Variants in TLR10 observed in about 807,000 individuals in gnomAD.
The protein encoded by TLR10 is toll like receptor 10, also known as toll-like receptor 10.
For synonymous variants in TLR10, 288 were observed against 338.8 expected, an observed-to-expected ratio of 0.85 and a Z score of 1.65; for missense variants, 929 against 932.9, an observed-to-expected ratio of 1.00 and a Z score of 0.05.
At position 38,775,330 on chromosome 4, in the gene TLR10, C is replaced by T. The variant is rs2109310161; in HGVS notation, c.261G>A (p.Leu87=). 6.2e-7 allele frequency: 1 copy of T among 1,613,984 alleles called. No homozygotes were observed. Among genetic ancestry groups the T allele is most frequent in the East Asian group, 2.2e-5 (1 of 44,882 alleles). The change falls in exon 4 of 4, where the codon CTG becomes CTA. Residue 87 remains leucine (L), a synonymous_variant. Coordinates refer to ENST00000308973, the MANE Select transcript of TLR10 (RefSeq NM_030956.4). ...LILCHNRIQQ[L]DLKTFEFNKE... is the part of the protein sequence containing the mutation. ...TGTTGAATTCAAAGGTTTTGAGATCCAGCTGTTGAATTCTGTTATGGCATA... is the reference window on the plus strand; with the variant it reads ...TGTTGAATTCAAAGGTTTTGAGATCTAGCTGTTGAATTCTGTTATGGCATA...
chr4:38,779,484 G>T (rs1725264601), intron 1 of TLR10, among the ~76,000 whole-genome samples: 2 of 152,050 alleles, frequency 1.3e-5, no homozygotes, highest in Admixed American at 1.3e-4. Flanking sequence ...ATATAACACA[G>T]GATAATTATC....
intron 1 of TLR10, among the ~76,000 whole-genome samples, chr4:38,776,836 T>C (rs1240868027): frequency 2.6e-5 from 4 of 152,180 alleles, no homozygotes; most frequent in Non-Finnish European, 2.9e-5. Flanking sequence ...GTTTATATGT[T>C]ATGACTCACA....
chr4:38,781,403 C>G lies in TLR10; in HGVS notation c.-569+1518G>C, dbSNP rs1236075945. On this transcript the variant is annotated intron_variant, in intron 1 of 3. Coordinates refer to ENST00000308973, the MANE Select transcript of TLR10 (RefSeq NM_030956.4). Reference sequence around the variant, plus strand: ...AGGCTGGAGTAAAGTGGTATGATCTCAGCTCACTGCAAGCTCCACCTCCCA... The same window carrying G: ...AGGCTGGAGTAAAGTGGTATGATCTGAGCTCACTGCAAGCTCCACCTCCCA... Among the ~76,000 whole-genome samples the G allele has an allele frequency of 3.3e-5, 5 of 151,652 alleles. No homozygotes were observed. The East Asian group carries it at 9.7e-4, about 29-fold the overall frequency.
Position 38,775,100 on chromosome 4 carries a change from T to A in TLR10, c.491A>T (p.His164Leu), listed in dbSNP as rs950691203. 1.2e-6 allele frequency: 2 copies of A among 1,613,066 alleles called. No individual in the cohort carries two copies. Among genetic ancestry groups the A allele is most frequent in the Admixed American group, 1.7e-5 (1 of 59,984 alleles). The change falls in exon 4 of 4, where the codon CAT becomes CTT. Residue 164 changes from histidine to leucine, a missense_variant. Transcript: ENST00000308973. ...TAAGAAGACAGTATTTAGATGCAGATGAGCAATTTTCTGGAAATCTGATTT... is the reference window on the plus strand; with the variant it reads ...TAAGAAGACAGTATTTAGATGCAGAAGAGCAATTTTCTGGAAATCTGATTT... The part of the protein sequence containing the change: ...IQKSDFQKIA[H>L]LHLNTVFLGF...
At chr4:38,781,803 T>A (rs1353861939) in intron 1 of TLR10, among the ~76,000 whole-genome samples, 4 of 152,332 alleles carry the variant, frequency 2.6e-5, no homozygotes. Context: ...CTTTGCAACA[T>A]AAGAGTAAGA....
Position 38,776,331 on chromosome 4 carries a change from G to T in TLR10, c.-473C>A. The T allele has an allele frequency of 4.9e-6, 1 of 203,058 alleles. No homozygotes were observed. The highest frequency in any genetic ancestry group is 9.9e-5 in the South Asian group (1 of 10,074). 12.6% of individuals were successfully genotyped at this position (203,058 alleles called of 1,614,324 possible). A position where few individuals can be genotyped will look rare whatever the true frequency, so the allele number is the denominator to read the frequency against. On this transcript the variant is annotated 5_prime_UTR_variant, in exon 2 of 4. Coordinates refer to ENST00000308973, the MANE Select transcript of TLR10 (RefSeq NM_030956.4). ...ATCTAAATGTCTGAAACCTGCCAGT[G>T]AATACCAAGCCACAATCTTCAGTCT...
Position 38,772,628 on chromosome 4 carries a change from T to TC in TLR10, c.*526_*527insG, listed in dbSNP as rs199871803. On this transcript the variant is annotated 3_prime_UTR_variant, in exon 4 of 4. Transcript: ENST00000308973. The stretch of plus-strand genomic sequence containing the variant: ...ATGTTTTCCATTTTTTTCTTTTTTT[T>TC]TTTTCTTTTTTTTGAGATGGAGTCT... 20,581 of 151,122 alleles carry TC rather than the reference T, an allele frequency of 0.14. 1,921 individuals carry two copies. The highest frequency in any genetic ancestry group is 0.3 in the East Asian group (1,544 of 5,136). 9.4% of individuals were successfully genotyped at this position (151,122 alleles called of 1,614,324 possible). A position where few individuals can be genotyped will look rare whatever the true frequency, so the allele number is the denominator to read the frequency against.
intron 3 of TLR10, 46 bp downstream of exon 3, chr4:38,775,729 C>T (rs780640946): frequency 3.2e-5 from 27 of 854,372 alleles, no homozygotes; most frequent in Admixed American, 6.8e-5. Context: ...AAAAAAAATG[C>T]CAACATCTGA....
At chr4:38,777,822 G>A (rs959487512) in intron 1 of TLR10, among the ~76,000 whole-genome samples, 10 of 152,156 alleles carry the variant, frequency 6.6e-5, no homozygotes, top group African/African-American at 2.4e-4. Flanking sequence ...AGGGTGTAGA[G>A]AAATAGGAAC....
chr4:38,775,473 T>C lies in TLR10; in HGVS notation c.118A>G (p.Arg40Gly). 1 of 1,614,148 alleles carries C rather than the reference T, an allele frequency of 6.2e-7. No individual in the cohort carries two copies. Among genetic ancestry groups the C allele is most frequent in the African/African-American group, 1.3e-5 (1 of 75,054 alleles). ...GGGGTCAAGTCTGCGGGAACCTTTCTTAGAGACATGTTGGAGCAGTTGGTC... is the reference window on the plus strand; with the variant it reads ...GGGGTCAAGTCTGCGGGAACCTTTCCTAGAGACATGTTGGAGCAGTTGGTC... ...LMTNCSNMSL[R>G]KVPADLTPAT... The change falls in exon 4 of 4, where the codon AGA (arginine) becomes GGA (glycine). Residue 40 changes from arginine to glycine, a missense_variant. By Grantham distance (125) the Arg-to-Gly change is moderately radical. Transcript: ENST00000308973.
intron 1 of TLR10, among the ~76,000 whole-genome samples, chr4:38,781,546 G>A (rs1020342895): frequency 1.3e-5 from 2 of 152,160 alleles, no homozygotes; most frequent in Non-Finnish European, 2.9e-5. Context: ...TGTTGGTGAT[G>A]TAGTCTATAA....
At position 38,772,614 on chromosome 4, in the gene TLR10, T is replaced by C. The variant is rs1724697770; in HGVS notation, c.*541A>G. Reference sequence around the variant, plus strand: ...TTGTGGCCATGAGGATGTTTTCCATTTTTTTCTTTTTTTTTTTTCTTTTTT... The same window carrying C: ...TTGTGGCCATGAGGATGTTTTCCATCTTTTTCTTTTTTTTTTTTCTTTTTT... On this transcript the variant is annotated 3_prime_UTR_variant, in exon 4 of 4. Transcript: ENST00000308973. The C allele has an allele frequency of 8.5e-6, 1 of 117,052 alleles. No homozygotes were observed. The highest frequency in any genetic ancestry group is 8.3e-5 in the Admixed American group (1 of 11,988). The allele number at this position is 117,052 out of a possible 1,614,324, so 7.3% of individuals were successfully genotyped here.
chr4:38,775,414 G>T lies in TLR10; in HGVS notation c.177C>A (p.Leu59=). 1.2e-6 allele frequency: 2 copies of T among 1,614,138 alleles called. No homozygotes were observed. Among genetic ancestry groups the T allele is most frequent in the Non-Finnish European group, 1.7e-6 (2 of 1,180,020 alleles). The part of the protein sequence containing the change: ...ATTTLDLSYN[L]LFQLQSSDFH... ...AATCTGAACTCTGGAGTTGAAAAAGGAGGTTATAGGATAAATCCAGTGTCG... is the reference window on the plus strand; with the variant it reads ...AATCTGAACTCTGGAGTTGAAAAAGTAGGTTATAGGATAAATCCAGTGTCG... The change falls in exon 4 of 4, where the codon CTC becomes CTA. Residue 59 remains leucine (L), a synonymous_variant. Transcript: ENST00000308973.
At chr4:38,778,684 T>C (rs1379309704) in intron 1 of TLR10, among the ~76,000 whole-genome samples, 1 of 152,116 alleles carries the variant, frequency 6.6e-6, no homozygotes, top group Non-Finnish European at 1.5e-5. Flanking sequence ...GATAAGTTAG[T>C]GGGGGAGTTT....
chr4:38,778,836 T>C (rs561154300), intron 1 of TLR10: 2 of 152,312 alleles, frequency 1.3e-5, no homozygotes, highest in African/African-American at 2.4e-5. Context: ...GTGCGTGTCA[T>C]GTTCCCATCA....
chr4:38,776,029 A>C (rs1219595366), intron 2 of TLR10, 66 bp from the exon 3 acceptor site: 1 of 153,592 alleles, frequency 6.5e-6, no homozygotes, highest in Non-Finnish European at 1.4e-5. Flanking sequence ...CTTTGACTTG[A>C]TATCAAGGAG....
rs1195895793 is a variant in TLR10 at position 38,775,187 on chromosome 4, C to G, written c.404G>C (p.Cys135Ser). Residue 135 changes from cysteine to serine, a missense_variant, in exon 4 of 4, where the codon TGT becomes TCT. Cys to Ser is a moderately radical substitution (Grantham distance 112). Transcript: ENST00000308973. ...GTGTGACATGTTGCCAGCTTCCTCA[C>G]AGATAGGCATGGTGTCAAAGTCATT... is the stretch of plus-strand genomic sequence containing the variant. Reference protein sequence around the residue: ...SFNDFDTMPICEEAGNMSHLE... With the variant: ...SFNDFDTMPISEEAGNMSHLE... The G allele has an allele frequency of 6.2e-7, 1 of 1,613,720 alleles. No homozygotes were observed. Among genetic ancestry groups the G allele is most frequent in the Non-Finnish European group, 8.5e-7 (1 of 1,179,902 alleles).
In TLR10 at chr4:38,773,329, G is replaced by A; in HGVS notation, c.2262C>T (p.Tyr754=). 6.2e-7 allele frequency: 1 copy of A among 1,613,798 alleles called. No individual in the cohort carries two copies. The highest frequency in any genetic ancestry group is 8.5e-7 in the Non-Finnish European group (1 of 1,179,922). Residue 754 remains tyrosine (Y), a synonymous_variant, in exon 4 of 4, where the codon TAC becomes TAT. Transcript: ENST00000308973. ...KLKALLEKKA[Y]LEWPKDRRKC... is the part of the protein sequence containing the mutation. ...TACGCCTATCCTTGGGCCATTCCAA[G>A]TATGCTTTTTTTTCCAGGAGAGCTT...
Position 38,774,599 on chromosome 4 carries a change from A to G in TLR10, c.992T>C (p.Leu331Pro), listed in dbSNP as rs754215915. The G allele has an allele frequency of 1.8e-5, 29 of 1,593,686 alleles. No individual in the cohort carries two copies. Among genetic ancestry groups the G allele is most frequent in the Non-Finnish European group, 2.5e-5 (29 of 1,173,590 alleles). The part of the protein sequence containing the change: ...LLLTKMDIEN[L>P]TISNAQMPHM... ...TGGCATTTGTGCATTTGATATTGTC[A>G]GGTTTTCTATGTCCATTTTGGTCAA... The change falls in exon 4 of 4, where the codon CTG becomes CCG. Residue 331 changes from leucine (L) to proline (P), a missense_variant. Coordinates refer to ENST00000308973, the MANE Select transcript of TLR10 (RefSeq NM_030956.4).
Sources: allele counts gnomAD v4.1 joint callset (sites outside exome capture counted in the v4.1 genomes callset), GRCh38; gene constraint gnomAD v4.1.1; transcripts MANE v1.5; gene names NCBI Gene and HGNC (gene_info 2026-07-23, HGNC 2026-07-21).